The following HMCN2 variants were observed in gnomAD, a reference collection of about 807,000 sequenced individuals.
The protein encoded by HMCN2 is hemicentin 2, also known as hemicentin-2.
Under a neutral mutation model 377.5 loss-of-function variants are expected in HMCN2, and 325 were observed. The observed-to-expected ratio is 0.86, with a 90% CI of 0.79 to 0.94. The LOEUF is 0.94. Among genes scored for constraint, HMCN2 ranks in the 40% least tolerant of loss-of-function variants. HMCN2 has a pLI of 0.00. For missense variants in HMCN2, 4,543 were observed against 4,725.3 expected, an observed-to-expected ratio of 0.96 and a Z score of 1.13; for synonymous variants, 2,007 against 2,046.8, an observed-to-expected ratio of 0.98 and a Z score of 0.53.
At chr9:130,390,168 G>A (rs964445163) in intron 62 of HMCN2, among the ~76,000 whole-genome samples, 2 of 152,074 alleles carry the variant, frequency 1.3e-5, no homozygotes, top group South Asian at 2.1e-4. Flanking sequence ...CCAGGCTCCC[G>A]TGGTCACCTC....
At chr9:130,287,532 C>T (rs1292663788) in intron 4 of HMCN2, among the ~76,000 whole-genome samples, 1 of 92,528 alleles carries the variant, frequency 1.1e-5, no homozygotes, top group Non-Finnish European at 2.0e-5. Context: ...GCCTGGGCAA[C>T]AAGAGTGAAA....
intron 25 of HMCN2, among the ~76,000 whole-genome samples, chr9:130,345,837 G>T (rs1839364853): frequency 6.6e-6 from 1 of 151,992 alleles, no homozygotes; most frequent in African/African-American, 2.4e-5. Flanking sequence ...CAGCAGGGAG[G>T]GTCTCTGGCA....
chr9:130,433,384 G>A lies in HMCN2; in HGVS notation c.14931G>A (p.Thr4977=), dbSNP rs748426603. The part of the protein sequence containing the change: ...CFRRCSQDCG[T]GGPSTLQYRL... ...GGCGCTGCTCGCAGGACTGCGGCACGGGCGGCCCCTCTACGCTGCAGTACC... is the reference window on the plus strand; with the variant it reads ...GGCGCTGCTCGCAGGACTGCGGCACAGGCGGCCCCTCTACGCTGCAGTACC... The change falls in exon 98 of 98, where the codon ACG becomes ACA. Residue 4977 remains threonine (T), a synonymous_variant. Coordinates refer to ENST00000683500, the MANE Select transcript of HMCN2 (RefSeq NM_001291815.2). The A allele has an allele frequency of 1.4e-6, 2 of 1,479,866 alleles. No individual in the cohort carries two copies. Among genetic ancestry groups the A allele is most frequent in the East Asian group, 2.9e-5 (1 of 34,500 alleles). The allele number at this position is 1,479,866 out of a possible 1,614,324, so 91.7% of individuals were successfully genotyped here.
intron 48 of HMCN2, among the ~76,000 whole-genome samples, chr9:130,373,705 G>A (rs935854602): frequency 5.6e-5 from 1 of 18,008 alleles, no homozygotes; most frequent in East Asian, 2.6e-3. Context: ...GGATGGATAG[G>A]TAGATGGATG....
intron 1 of HMCN2, among the ~76,000 whole-genome samples, chr9:130,273,287 G>A (rs1448419950): frequency 1.3e-5 from 2 of 151,892 alleles, no homozygotes; most frequent in Non-Finnish European, 2.9e-5. Flanking sequence ...TTTCTTTCCA[G>A]CTTCTTTTAC....
intron 4 of HMCN2, among the ~76,000 whole-genome samples, chr9:130,292,793 C>A (rs1465741690): frequency 6.6e-6 from 1 of 152,136 alleles, no homozygotes; most frequent in Non-Finnish European, 1.5e-5. Context: ...ATGGAATAAC[C>A]CATCATCCCA....
At chr9:130,330,932 A>T (rs1838391132) in intron 22 of HMCN2, among the ~76,000 whole-genome samples, 3 of 150,826 alleles carry the variant, frequency 2.0e-5, no homozygotes, top group African/African-American at 7.3e-5. Flanking sequence ...GATCAAGATC[A>T]TCCTGGCCAA....
In HMCN2 at chr9:130,419,024, C is replaced by T. The variant is rs754323949; in HGVS notation, c.13214C>T (p.Ala4405Val). ...CTCCTGGGCTCTGCCACAGCCCGGG[C>T]GTTCCTGGTCGTGAGAGGTATGGGG... is the stretch of plus-strand genomic sequence containing the variant. ...HNLLGSATARAFLVVRGEPQG... is the reference protein window; with the variant it reads ...HNLLGSATARVFLVVRGEPQG... The change falls in exon 86 of 98, where the codon GCG (alanine) becomes GTG (valine). Residue 4405 changes from alanine to valine, a missense_variant. Ala to Val is a moderately conservative substitution (Grantham distance 64, BLOSUM62 0). Coordinates refer to ENST00000683500, the MANE Select transcript of HMCN2 (RefSeq NM_001291815.2). 7.4e-6 allele frequency: 11 copies of T among 1,488,302 alleles called. No individual in the cohort carries two copies. The South Asian group carries it at 1.2e-4, about 16-fold the overall frequency. The allele number at this position is 1,488,302 out of a possible 1,614,324, so 92.2% of individuals were successfully genotyped here.
intron 4 of HMCN2, among the ~76,000 whole-genome samples, chr9:130,293,450 C>T (rs1016092002): frequency 2.6e-5 from 4 of 151,668 alleles, no homozygotes; most frequent in Admixed American, 6.6e-5. Flanking sequence ...ACAGGATGGA[C>T]GCTCTTTGAG....
chr9:130,404,620 T>C (rs1843000516), intron 80 of HMCN2, among the ~76,000 whole-genome samples: 1 of 152,240 alleles, frequency 6.6e-6, no homozygotes, highest in African/African-American at 2.4e-5. Flanking sequence ...TGTGCGTGTA[T>C]ATGTGCATGC....
rs868811841 is a variant in HMCN2, at chr9:130,433,112, C to A, written c.14895-236C>A. The A allele has an allele frequency of 3.4e-4, 163 of 473,984 alleles. 1 individual carries two copies. The highest frequency in any genetic ancestry group is 2.8e-3 in the African/African-American group (139 of 48,904). 29.4% of individuals were successfully genotyped at this position (473,984 alleles called of 1,614,324 possible). A position where few individuals can be genotyped will look rare whatever the true frequency, so the allele number is the denominator to read the frequency against. Reference sequence around the variant, plus strand: ...CCCTGGGGCATGGATCCCGAAAGTCCGCTGGAGGGACCATGAAAGGGCAGG... The same window carrying A: ...CCCTGGGGCATGGATCCCGAAAGTCAGCTGGAGGGACCATGAAAGGGCAGG... On this transcript the variant is annotated intron_variant, in intron 97 of 97. Transcript: ENST00000683500.
rs1424343358 is a variant in HMCN2, at chr9:130,414,768, A to C, written c.12962-4004A>C. Among the ~76,000 whole-genome samples the C allele has an allele frequency of 2.0e-5, 3 of 151,974 alleles. No homozygotes were observed. The highest frequency in any genetic ancestry group is 2.9e-5 in the Non-Finnish European group (2 of 67,984). Reference sequence around the variant, plus strand: ...CAGGCACGTGCCACCACACCCGGCTAATTTTTATTTTTATGTATTTATTTT... The same window carrying C: ...CAGGCACGTGCCACCACACCCGGCTCATTTTTATTTTTATGTATTTATTTT... On this transcript the variant is annotated intron_variant, in intron 85 of 97. Transcript: ENST00000683500. This position sits in a 1 kb window ranked among gnomAD's most constrained non-coding sequence, Gnocchi z 4.4.
At position 130,427,611 on chromosome 9, in the gene HMCN2, A is replaced by G. The variant is rs1844456586; in HGVS notation, c.14057A>G (p.Asn4686Ser). 1 of 1,550,068 alleles carries G rather than the reference A, an allele frequency of 6.5e-7. No homozygotes were observed. Among genetic ancestry groups the G allele is most frequent in the African/African-American group, 1.4e-5 (1 of 73,062 alleles). ...TGFALAWDDRNCRDVDECAWD... is the reference protein window; with the variant it reads ...TGFALAWDDRSCRDVDECAWD... ...TTCGCCCTGGCCTGGGATGACAGGA[A>G]CTGCAGAGGTGAGGGAGCTGCCGGG... The change falls in exon 92 of 98, where the codon AAC (asparagine) becomes AGC (serine). Residue 4686 changes from asparagine (N) to serine (S), a missense_variant. Physicochemically the swap from Asn to Ser is conservative, Grantham distance 46. Around this residue, in one of 5 missense-constraint regions of HMCN2, gnomAD observed 1,155 missense variants for 1,157.7 expected, o/e 1.00. Transcript: ENST00000683500.
intron 1 of HMCN2, among the ~76,000 whole-genome samples, chr9:130,266,955 T>A (rs1448574349): frequency 4.0e-5 from 2 of 49,906 alleles, no homozygotes; most frequent in East Asian, 0.012. Context: ...CACACTTCTT[T>A]TTTTTTTTGA....
intron 66 of HMCN2, among the ~76,000 whole-genome samples, chr9:130,392,795 G>GAT: frequency 6.6e-6 from 1 of 152,072 alleles, no homozygotes; most frequent in Non-Finnish European, 1.5e-5. Flanking sequence ...AGGAGATCAA[G>GAT]ACCATCCTGG....
intron 36 of HMCN2, among the ~76,000 whole-genome samples, chr9:130,358,921 G>C (rs1240124235): frequency 6.6e-6 from 1 of 152,200 alleles, no homozygotes; most frequent in South Asian, 2.1e-4. Flanking sequence ...TGATCCGCCC[G>C]CCTCGGCCTC....
chr9:130,345,373 G>T (rs1197320607), intron 25 of HMCN2, among the ~76,000 whole-genome samples: 3 of 145,152 alleles, frequency 2.1e-5, no homozygotes. Context: ...TGGTATGTGT[G>T]GTATGTGTAG....
chr9:130,432,980 C>T (rs1175321865), intron 97 of HMCN2: 3 of 364,416 alleles, frequency 8.2e-6, no homozygotes, highest in Non-Finnish European at 1.5e-5. Flanking sequence ...CAGATGCCCG[C>T]GGCAAGGCTA....
At chr9:130,334,687 TTCTC>T (rs1403983199) in intron 22 of HMCN2, among the ~76,000 whole-genome samples, 3 of 134,024 alleles carry the variant, frequency 2.2e-5, no homozygotes, top group Non-Finnish European at 5.1e-5. Context: ...TGCTCTTTCT[TTCTC>T]TCTTTCTTTC....
Sources: allele counts gnomAD v4.1 joint callset (sites outside exome capture counted in the v4.1 genomes callset), GRCh38; gene constraint gnomAD v4.1.1; regional missense constraint gnomAD v4.1.1; non-coding constraint Gnocchi (gnomAD v3.1); transcripts MANE v1.5; gene names NCBI Gene and HGNC (gene_info 2026-07-23, HGNC 2026-07-21).